CNTNAP3: variants seen among roughly 807,000 people sequenced by gnomAD.
CNTNAP3 encodes contactin associated protein family member 3.
Under a neutral mutation model 92.1 loss-of-function variants are expected in CNTNAP3, and 36 were observed. That is an observed-to-expected ratio of 0.39 (90% CI 0.30 to 0.52). CNTNAP3 has a LOEUF of 0.52. Among genes scored for constraint, CNTNAP3 ranks in the 20% least tolerant of loss-of-function variants. CNTNAP3 has a pLI of 0.76. For synonymous variants in CNTNAP3, 232 were observed against 422.3 expected, an observed-to-expected ratio of 0.55 and a Z score of 5.53; for missense variants, 534 against 1,069.6, an observed-to-expected ratio of 0.50 and a Z score of 6.98.
chr9:39,212,221 AC>A lies in CNTNAP3; in HGVS notation c.391-18947del, dbSNP rs1822619048. 9.8e-5 allele frequency among the ~76,000 whole-genome samples: 2 copies of A among 20,348 alleles called. 1 individual carries two copies. The highest frequency in any genetic ancestry group is 2.1e-4 in the African/African-American group (2 of 9,304). The allele number at this position is 20,348 out of a possible 152,430, so 13.3% of individuals were successfully genotyped here. On this transcript the variant is annotated intron_variant, in intron 3 of 23. Transcript: ENST00000297668. ...TCTTCTGAACATCAAGTAGATAAGA[AC>A]AGCCATAAACTCCCTTTCAGAAATT... is the stretch of plus-strand genomic sequence containing the variant.
chr9:39,121,190 G>A (rs2117982334), intron 13 of CNTNAP3, among the ~76,000 whole-genome samples: 1 of 151,150 alleles, frequency 6.6e-6, no homozygotes, highest in South Asian at 2.1e-4. Flanking sequence ...AATAAACATA[G>A]GCAGGTTAAA....
chr9:39,092,238 A>C (rs1412206169), intron 18 of CNTNAP3, among the ~76,000 whole-genome samples: 1 of 145,672 alleles, frequency 6.9e-6, no homozygotes, highest in Non-Finnish European at 1.5e-5. Flanking sequence ...TATATTATCC[A>C]TTTGAGAAAT....
At chr9:39,077,296 C>T (rs1172875587) in intron 23 of CNTNAP3, among the ~76,000 whole-genome samples, 1 of 152,004 alleles carries the variant, frequency 6.6e-6, no homozygotes, top group Non-Finnish European at 1.5e-5. Flanking sequence ...TAAATAATCA[C>T]GCCTGTAATC....
intron 10 of CNTNAP3, among the ~76,000 whole-genome samples, chr9:39,149,179 G>A (rs983740055): frequency 6.6e-6 from 1 of 152,136 alleles, no homozygotes. Context: ...AAATTCCTCT[G>A]CCTGGAAAAA....
chr9:39,149,586 G>C (rs1821790727), intron 10 of CNTNAP3, among the ~76,000 whole-genome samples: 2 of 151,256 alleles, frequency 1.3e-5, no homozygotes, highest in African/African-American at 4.9e-5. Context: ...TTGATCTCCT[G>C]ATCTCGTGAT....
At chr9:39,100,234 G>T in intron 17 of CNTNAP3, 84 bp from the exon 18 acceptor site, 1 of 1,483,152 alleles carries the variant, frequency 6.7e-7, no homozygotes, top group Non-Finnish European at 9.0e-7. Flanking sequence ...CAGGCCTTAT[G>T]GAGAGTGGCA....
At chr9:39,113,721 A>C (rs1820767881) in intron 14 of CNTNAP3, among the ~76,000 whole-genome samples, 1 of 152,034 alleles carries the variant, frequency 6.6e-6, no homozygotes, top group African/African-American at 2.4e-5. Flanking sequence ...AATTCCATAA[A>C]ATTTGTTAAG....
At position 39,119,978 on chromosome 9, in the gene CNTNAP3, C is replaced by A. The variant is rs377058559; in HGVS notation, c.2081-1719G>T. Among the ~76,000 whole-genome samples the A allele has an allele frequency of 3.9e-5, 6 of 152,114 alleles. No homozygotes were observed. In the South Asian group the frequency reaches 1.2e-3, roughly 31 times the overall value. On this transcript the variant is annotated intron_variant, in intron 13 of 23. Coordinates refer to ENST00000297668, the MANE Select transcript of CNTNAP3 (RefSeq NM_033655.5). Reference sequence around the variant, plus strand: ...AAAGAACTGAGCCATAGGGTCCTATCAGACAATATCATCCGAATCTCAAAA... The same window carrying A: ...AAAGAACTGAGCCATAGGGTCCTATAAGACAATATCATCCGAATCTCAAAA...
At chr9:39,105,787 T>A (rs1826589235) in intron 15 of CNTNAP3, among the ~76,000 whole-genome samples, 1 of 151,846 alleles carries the variant, frequency 6.6e-6, no homozygotes, top group South Asian at 2.1e-4. Context: ...ATCTGCAGGC[T>A]ATTTACTAGG....
intron 10 of CNTNAP3, among the ~76,000 whole-genome samples, chr9:39,148,576 G>C (rs1821760797): frequency 6.6e-6 from 1 of 150,876 alleles, no homozygotes; most frequent in South Asian, 2.1e-4. Flanking sequence ...ACCCAGGCTG[G>C]AGTGCAGTGG....
chr9:39,115,865 C>A (rs1296089610), intron 14 of CNTNAP3, among the ~76,000 whole-genome samples: 3 of 151,474 alleles, frequency 2.0e-5, no homozygotes, highest in Non-Finnish European at 4.4e-5. Flanking sequence ...CCAAGTGATA[C>A]GTTCCTCTGG....
In CNTNAP3 at chr9:39,204,941, A is replaced by G. The variant is rs1307208515; in HGVS notation, c.391-11666T>C. 5.4e-5 allele frequency among the ~76,000 whole-genome samples: 4 copies of G among 74,504 alleles called. 1 individual carries two copies. Among genetic ancestry groups the G allele is most frequent in the Admixed American group, 5.3e-4 (4 of 7,528 alleles). 48.9% of individuals were successfully genotyped at this position (74,504 alleles called of 152,430 possible). A position where few individuals can be genotyped will look rare whatever the true frequency, so the allele number is the denominator to read the frequency against. On this transcript the variant is annotated intron_variant, in intron 3 of 23. Transcript: ENST00000297668. ...TTGCTAGTTTTTGAATAGCCCAAAGAAAATGGGATTATATTCTCAAATTCA... is the reference window on the plus strand; with the variant it reads ...TTGCTAGTTTTTGAATAGCCCAAAGGAAATGGGATTATATTCTCAAATTCA...
chr9:39,112,188 T>G (rs1207839445), intron 14 of CNTNAP3, among the ~76,000 whole-genome samples: 1 of 151,368 alleles, frequency 6.6e-6, no homozygotes, highest in African/African-American at 2.4e-5. Flanking sequence ...TTTATTAAAA[T>G]TTTTATTTAT....
chr9:39,269,582 T>TA (rs553223239), intron 1 of CNTNAP3, among the ~76,000 whole-genome samples: 1 of 10,128 alleles, frequency 9.9e-5, no homozygotes, highest in African/African-American at 1.3e-4. Context: ...CTCTTTGTTC[T>TA]AAAAAAAAAA....
Position 39,144,260 on chromosome 9 carries a change from G to A in CNTNAP3, c.1736C>T (p.Thr579Met), listed in dbSNP as rs545637518. 14 of 1,588,498 alleles carry A rather than the reference G, an allele frequency of 8.8e-6. No individual in the cohort carries two copies. Among genetic ancestry groups the A allele is most frequent in the Admixed American group, 5.3e-5 (3 of 57,002 alleles). ...CTTACAGGAATGGCAGGTCTCGCCC[G>A]TATAGCCTGTGCCTAGACAGTCACA... ...FSCDCLGTGY[T>M]GETCHSSLYE... Residue 579 changes from threonine (T) to methionine (M), a missense_variant, in exon 11 of 24, where the codon ACG (threonine) becomes ATG (methionine). Physicochemically the swap from Thr to Met is moderately conservative, Grantham distance 81. Coordinates refer to ENST00000297668, the MANE Select transcript of CNTNAP3 (RefSeq NM_033655.5).
intron 4 of CNTNAP3, among the ~76,000 whole-genome samples, chr9:39,179,279 C>A (rs1217068295): frequency 2.7e-5 from 2 of 72,980 alleles, no homozygotes; most frequent in Admixed American, 3.5e-4. Context: ...AAAACTCTCT[C>A]TCTCTCTACA....
chr9:39,124,935 T>C (rs1821122227), intron 13 of CNTNAP3, among the ~76,000 whole-genome samples: 2 of 152,126 alleles, frequency 1.3e-5, no homozygotes, highest in African/African-American at 4.8e-5. Context: ...TCAACCATTG[T>C]GGAAGACAGT....
rs1825531954 is a variant in CNTNAP3 at position 39,067,408 on chromosome 9, A to T, written c.*6482T>A. Among the ~76,000 whole-genome samples, 1 of 152,212 alleles carries T rather than the reference A, an allele frequency of 6.6e-6. No homozygotes were observed. Among genetic ancestry groups the T allele is most frequent in the Non-Finnish European group, 1.5e-5 (1 of 68,028 alleles). ...GTGATTTTACCTCGTTGGGTGTTGG[A>T]TTTTTTTTTGATGGAGTCTGGCTCT... On this transcript the variant is annotated 3_prime_UTR_variant, in exon 24 of 24. Transcript: ENST00000297668.
chr9:39,099,165 AG>A, intron 18 of CNTNAP3, among the ~76,000 whole-genome samples: 1 of 152,206 alleles, frequency 6.6e-6, no homozygotes, highest in South Asian at 2.1e-4. Context: ...CATGTTGGCC[AG>A]GCTGGTCTTG....
Sources: gnomAD v4.1 joint callset for allele counts (sites outside exome capture counted in the v4.1 genomes callset) on GRCh38, gnomAD v4.1.1 for gene constraint, MANE v1.5 for transcripts, NCBI Gene and HGNC (gene_info 2026-07-23, HGNC 2026-07-21) for gene names.